Variants in PITPNC1 observed in about 807,000 individuals in gnomAD.
PITPNC1 encodes cytoplasmic phosphatidylinositol transfer protein 1.
PITPNC1 carries 18 observed loss-of-function variants against 44.7 expected under a neutral mutation model. The observed-to-expected ratio is 0.40, with a 90% CI of 0.28 to 0.60. PITPNC1 has a LOEUF of 0.60. Among genes scored for constraint, PITPNC1 ranks in the 20% least tolerant of loss-of-function variants. The probability of loss-of-function intolerance (pLI) is 0.39; values close to 1 mark genes in which losing one functional copy is unlikely to be tolerated. For missense variants in PITPNC1, 290 were observed against 418.4 expected (o/e 0.69, Z 2.68); for synonymous variants, 141 against 149.6 (o/e 0.94, Z 0.42).
In PITPNC1 at chr17:67,377,891, C is replaced by A. The variant is rs995752306; in HGVS notation, c.-264C>A. 5 of 396,208 alleles carry A rather than the reference C, an allele frequency of 1.3e-5. No individual in the cohort carries two copies. In the Admixed American group the frequency reaches 1.4e-4, roughly 11 times the overall value. The allele number at this position is 396,208 out of a possible 1,614,324, so 24.5% of individuals were successfully genotyped here. ...CCCCAGCGGGTCTCCCTCCCTGCCT[C>A]CCTGACTTTGCAACACCGCGTTCCG... On this transcript the variant is annotated 5_prime_UTR_variant, in exon 1 of 9. Coordinates refer to ENST00000581322, the MANE Select transcript of PITPNC1 (RefSeq NM_012417.4).
chr17:67,529,564 C>T lies in PITPNC1; in HGVS notation c.49-3238C>T, dbSNP rs1478772645. Among the ~76,000 whole-genome samples the T allele has an allele frequency of 2.0e-5, 3 of 152,328 alleles. No homozygotes were observed. In the South Asian group the frequency reaches 6.2e-4, roughly 32 times the overall value. On this transcript the variant is annotated intron_variant, in intron 1 of 8. Coordinates refer to ENST00000581322, the MANE Select transcript of PITPNC1 (RefSeq NM_012417.4). ...AAACCACCTCTATCCAAAAACACTT[C>T]CATCGCTCCAGAAGGAACCCCTGCA...
intron 1 of PITPNC1, among the ~76,000 whole-genome samples, chr17:67,501,198 T>C (rs960501565): frequency 6.6e-6 from 1 of 152,218 alleles, no homozygotes; most frequent in African/African-American, 2.4e-5. Context: ...AGGATAGCAT[T>C]TCATGCATCG....
At chr17:67,399,203 C>T (rs570404575) in intron 1 of PITPNC1, among the ~76,000 whole-genome samples, 1 of 151,812 alleles carries the variant, frequency 6.6e-6, no homozygotes, top group Non-Finnish European at 1.5e-5. Context: ...TTAGTAGAGA[C>T]GGGGTTTCAC....
At chr17:67,628,754 G>T (rs1041950167) in intron 5 of PITPNC1, among the ~76,000 whole-genome samples, 2 of 152,174 alleles carry the variant, frequency 1.3e-5, no homozygotes, top group African/African-American at 2.4e-5. Context: ...GCAGCAGGAG[G>T]GCCACCGTGA....
Position 67,432,498 on chromosome 17 carries a change from C to T in PITPNC1, c.48+54296C>T, listed in dbSNP as rs1245021811. 3.3e-5 allele frequency among the ~76,000 whole-genome samples: 5 copies of T among 151,902 alleles called. 1 individual carries two copies. In the South Asian group the frequency reaches 6.3e-4, roughly 19 times the overall value. Reference sequence around the variant, plus strand: ...CAGCATGAGCGAGAGAGTGAGACTCCGTCTCAAAATAAATAAATACATAAA... The same window carrying T: ...CAGCATGAGCGAGAGAGTGAGACTCTGTCTCAAAATAAATAAATACATAAA... On this transcript the variant is annotated intron_variant, in intron 1 of 8. Coordinates refer to ENST00000581322, the MANE Select transcript of PITPNC1 (RefSeq NM_012417.4).
chr17:67,407,750 C>T (rs534131869), intron 1 of PITPNC1, among the ~76,000 whole-genome samples: 30 of 151,552 alleles, frequency 2.0e-4, no homozygotes, highest in Non-Finnish European at 3.4e-4. Flanking sequence ...GCCGAGATCA[C>T]GCCATTGCAC....
chr17:67,474,919 G>A (rs912317204), intron 1 of PITPNC1, among the ~76,000 whole-genome samples: 3 of 152,070 alleles, frequency 2.0e-5, no homozygotes, highest in African/African-American at 7.2e-5. Context: ...CTCCCAAAGT[G>A]TTGGGATTAT....
chr17:67,540,828 T>C (rs1164269697), intron 2 of PITPNC1, among the ~76,000 whole-genome samples: 6 of 152,234 alleles, frequency 3.9e-5, no homozygotes, highest in Admixed American at 6.5e-5. Context: ...TTTGGTCCTA[T>C]TGGATTTTTT....
rs566468678 is a variant in PITPNC1, at chr17:67,598,755, T to G, written c.366+20498T>G. Among the ~76,000 whole-genome samples the G allele has an allele frequency of 3.3e-5, 5 of 151,858 alleles. No individual in the cohort carries two copies. In the South Asian group the frequency reaches 1.0e-3, roughly 32 times the overall value. On this transcript the variant is annotated intron_variant, in intron 5 of 8. Coordinates refer to ENST00000581322, the MANE Select transcript of PITPNC1 (RefSeq NM_012417.4). The stretch of plus-strand genomic sequence containing the variant: ...AAAATACAAAAAAATTAGCTGGGCA[T>G]GGTGGTGGGCACCTGTAATCCCAGC...
intron 1 of PITPNC1, among the ~76,000 whole-genome samples, chr17:67,413,896 C>T (rs1274505873): frequency 6.6e-6 from 1 of 152,100 alleles, no homozygotes; most frequent in African/African-American, 2.4e-5. Flanking sequence ...AATCCCCACT[C>T]CAGAGGACCT....
intron 1 of PITPNC1, among the ~76,000 whole-genome samples, chr17:67,470,905 C>A (rs2039515931): frequency 7.6e-6 from 1 of 131,994 alleles, no homozygotes; most frequent in African/African-American, 2.9e-5. Flanking sequence ...GACCTTACCC[C>A]CAACCCTGTG....
chr17:67,516,788 T>C (rs1408874821), intron 1 of PITPNC1, among the ~76,000 whole-genome samples: 8 of 152,148 alleles, frequency 5.3e-5, no homozygotes, highest in Admixed American at 5.2e-4. Flanking sequence ...CTGGTTAATT[T>C]TTGTATTTTT....
intron 1 of PITPNC1, among the ~76,000 whole-genome samples, chr17:67,431,761 C>CA (rs2038860685): frequency 7.9e-5 from 12 of 152,180 alleles, no homozygotes; most frequent in Admixed American, 7.2e-4. Context: ...CACACATCTC[C>CA]ATGTATTTTC....
intron 5 of PITPNC1, among the ~76,000 whole-genome samples, chr17:67,580,704 T>C (rs1435888182): frequency 6.6e-5 from 10 of 152,196 alleles, no homozygotes. Context: ...TCTCTCTTTT[T>C]CTCTATGCCT....
chr17:67,538,567 T>A (rs1041383780), intron 2 of PITPNC1, among the ~76,000 whole-genome samples: 1 of 152,142 alleles, frequency 6.6e-6, no homozygotes, highest in Non-Finnish European at 1.5e-5. Context: ...GCCACTGCAC[T>A]CCAGCCTGGG....
chr17:67,437,459 G>C lies in PITPNC1; in HGVS notation c.48+59257G>C, dbSNP rs927093754. On this transcript the variant is annotated intron_variant, in intron 1 of 8. Coordinates refer to ENST00000581322, the MANE Select transcript of PITPNC1 (RefSeq NM_012417.4). ...AAGAGGCAAGGACAGATTTCCTCCA[G>C]AGCATGGCCCTGCTGATACCTTGAT... Among the ~76,000 whole-genome samples the C allele has an allele frequency of 7.2e-5, 11 of 152,148 alleles. 1 individual carries two copies. Among genetic ancestry groups the C allele is most frequent in the Admixed American group, 7.2e-4 (11 of 15,268 alleles).
chr17:67,558,790 G>C (rs1348316861), intron 4 of PITPNC1, among the ~76,000 whole-genome samples: 1 of 152,140 alleles, frequency 6.6e-6, no homozygotes, highest in Non-Finnish European at 1.5e-5. Context: ...ATTTAGATGA[G>C]AGAGGTGGAA....
chr17:67,460,182 G>A (rs900002852), intron 1 of PITPNC1, among the ~76,000 whole-genome samples: 2 of 152,190 alleles, frequency 1.3e-5, no homozygotes, highest in African/African-American at 4.8e-5. Flanking sequence ...GTCAAAGTGA[G>A]TGCTCATTGA....
At chr17:67,382,817 G>A (rs1026012772) in intron 1 of PITPNC1, among the ~76,000 whole-genome samples, 3 of 151,776 alleles carry the variant, frequency 2.0e-5, no homozygotes, top group Non-Finnish European at 4.4e-5. Flanking sequence ...GTAGAGAAGG[G>A]GTTTCACCAT....
Sources: allele counts gnomAD v4.1 joint callset (sites outside exome capture counted in the v4.1 genomes callset), GRCh38; gene constraint gnomAD v4.1.1; transcripts MANE v1.5; gene names NCBI Gene and HGNC (gene_info 2026-07-23, HGNC 2026-07-21).